Variants in HMG20A observed in about 807,000 individuals in gnomAD.
The protein encoded by HMG20A is high mobility group 20A.
Under a neutral mutation model 43.9 loss-of-function variants are expected in HMG20A, and 17 were observed. The ratio of observed to expected loss-of-function variants is 0.39; its 90% CI spans 0.27 to 0.58. The LOEUF is 0.58. HMG20A is among the 20% of genes least tolerant of loss of function. HMG20A has a pLI of 0.59. For missense variants in HMG20A, 341 were observed against 438.2 expected (o/e 0.78, Z 1.98); for synonymous variants, 132 against 147.5 (o/e 0.89, Z 0.76).
At chr15:77,441,609 C>G (rs982469148) in intron 1 of HMG20A, among the ~76,000 whole-genome samples, 3 of 152,064 alleles carry the variant, frequency 2.0e-5, no homozygotes, top group Non-Finnish European at 4.4e-5. Context: ...TTCCTGACTT[C>G]GATTCAGAGC....
rs570790885 is a variant in HMG20A, at chr15:77,443,388, T to G, written c.-4-15016T>G. On this transcript the variant is annotated intron_variant, in intron 1 of 9. Coordinates refer to ENST00000336216, the MANE Select transcript of HMG20A (RefSeq NM_001304504.2). ...TGATGATGATGATGATGATTATTAT[T>G]ATTATTATTATTATTATTATTAAGT... Among the ~76,000 whole-genome samples the G allele has an allele frequency of 7.3e-3, 1,024 of 139,598 alleles. 19 individuals carry two copies. The highest frequency in any genetic ancestry group is 0.027 in the African/African-American group (952 of 35,680). The allele number at this position is 139,598 out of a possible 152,430, so 91.6% of individuals were successfully genotyped here. A position where few individuals can be genotyped will look rare whatever the true frequency, so the allele number is the denominator to read the frequency against.
chr15:77,457,394 T>C (rs2072664936), intron 1 of HMG20A, among the ~76,000 whole-genome samples: 1 of 152,160 alleles, frequency 6.6e-6, no homozygotes, highest in Non-Finnish European at 1.5e-5. Context: ...CCCAATTGAT[T>C]GAGGCACTCT....
intron 1 of HMG20A, among the ~76,000 whole-genome samples, chr15:77,431,418 G>A (rs1007164784): frequency 3.3e-5 from 5 of 152,118 alleles, no homozygotes; most frequent in African/African-American, 1.2e-4. Context: ...CACCATGTTG[G>A]CCAGGCTGGT....
the HMG20A span, among the ~76,000 whole-genome samples, chr15:77,503,446 G>A: frequency 5.9e-5 from 9 of 152,176 alleles, no homozygotes; most frequent in African/African-American, 9.7e-5. Context: ...TAAGCCCTCA[G>A]GGTGGTGAAA....
At chr15:77,497,906 A>C in the HMG20A span, among the ~76,000 whole-genome samples, 1 of 150,910 alleles carries the variant, frequency 6.6e-6, no homozygotes, top group Non-Finnish European at 1.5e-5. Context: ...CCCGCCAAGC[A>C]ACCCCCTAAA....
At chr15:77,473,790 C>CA (rs35534006) in intron 6 of HMG20A, among the ~76,000 whole-genome samples, 16 of 151,634 alleles carry the variant, frequency 1.1e-4, no homozygotes, top group Admixed American at 9.2e-4. Flanking sequence ...TTAAACCAAA[C>CA]AAAAAAAAGG....
chr15:77,477,442 A>G, intron 6 of HMG20A, 113 bp from the exon 7 acceptor site: 1 of 759,276 alleles, frequency 1.3e-6, no homozygotes, highest in African/African-American at 1.8e-5. Flanking sequence ...ACCTGGACTG[A>G]TTCCTGCTCA....
At position 77,477,449 on chromosome 15, in the gene HMG20A, C is replaced by T. The variant is rs1322585345; in HGVS notation, c.616-106C>T. Reference sequence around the variant, plus strand: ...ACAGACTCACCTGGACTGATTCCTGCTCACCCTATTCTTTCTTTAAAGAAG... The same window carrying T: ...ACAGACTCACCTGGACTGATTCCTGTTCACCCTATTCTTTCTTTAAAGAAG... On this transcript the variant is annotated intron_variant, in intron 6 of 9. Transcript: ENST00000336216. The T allele has an allele frequency of 3.8e-6, 3 of 789,652 alleles. No individual in the cohort carries two copies. The East Asian group carries it at 8.1e-5, about 21-fold the overall frequency. The allele number at this position is 789,652 out of a possible 1,614,324, so 48.9% of individuals were successfully genotyped here.
chr15:77,455,353 C>T (rs972417367), intron 1 of HMG20A, among the ~76,000 whole-genome samples: 3 of 149,080 alleles, frequency 2.0e-5, no homozygotes, highest in African/African-American at 5.0e-5. Flanking sequence ...ATATCTAGTA[C>T]GCTTAATATA....
At chr15:77,443,091 G>A (rs2073630884) in intron 1 of HMG20A, among the ~76,000 whole-genome samples, 1 of 142,674 alleles carries the variant, frequency 7.0e-6, no homozygotes, top group Non-Finnish European at 1.5e-5. Context: ...GGAGTGCAGT[G>A]GTGTGATCCC....
At chr15:77,489,295 AC>A (rs1489760714), downstream of HMG20A, among the ~76,000 whole-genome samples, 1 of 152,228 alleles carries the variant, frequency 6.6e-6, no homozygotes, top group Admixed American at 6.5e-5. Context: ...ACTCATTTTT[AC>A]AGTAAGTAAA....
chr15:77,465,342 A>T (rs2072747126), intron 3 of HMG20A, among the ~76,000 whole-genome samples: 2 of 149,504 alleles, frequency 1.3e-5, no homozygotes, highest in Non-Finnish European at 3.0e-5. Context: ...TTTAAAGATT[A>T]TAATGAATGC....
At chr15:77,503,182 G>A in the HMG20A span, among the ~76,000 whole-genome samples, 20 of 152,148 alleles carry the variant, frequency 1.3e-4, no homozygotes, top group African/African-American at 4.8e-4. Context: ...TAGATAAGTT[G>A]CAAGAACAAC....
intron 1 of HMG20A, among the ~76,000 whole-genome samples, chr15:77,449,800 A>G (rs1335787021): frequency 6.6e-6 from 1 of 152,120 alleles, no homozygotes; most frequent in Non-Finnish European, 1.5e-5. Flanking sequence ...CAATGAACCT[A>G]TATTGACACA....
Position 77,467,183 on chromosome 15 carries a change from G to A in HMG20A, c.326G>A (p.Gly109Glu). 1 of 1,614,086 alleles carries A rather than the reference G, an allele frequency of 6.2e-7. No homozygotes were observed. Among genetic ancestry groups the A allele is most frequent in the Non-Finnish European group, 8.5e-7 (1 of 1,179,994 alleles). ...AATGCACCCAAATCCCCCCTTACAG[G>A]ATATGTTCGGTTCATGAATGAGCGT... ...DSNAPKSPLT[G>E]YVRFMNERRE... is the part of the protein sequence containing the mutation. The change falls in exon 4 of 10, where the codon GGA (glycine) becomes GAA (glutamate). Residue 109 changes from glycine to glutamate, a missense_variant. Physicochemically the swap from Gly to Glu is moderately conservative, Grantham distance 98 (BLOSUM62 -2). Coordinates refer to ENST00000336216, the MANE Select transcript of HMG20A (RefSeq NM_001304504.2).
intron 1 of HMG20A, among the ~76,000 whole-genome samples, chr15:77,447,538 T>C (rs932042584): frequency 6.6e-6 from 1 of 152,174 alleles, no homozygotes; most frequent in African/African-American, 2.4e-5. Flanking sequence ...CCAGTCTCTT[T>C]TGATGATCTA....
At chr15:77,495,146 G>C in the HMG20A span, among the ~76,000 whole-genome samples, 1 of 152,172 alleles carries the variant, frequency 6.6e-6, no homozygotes, top group African/African-American at 2.4e-5. Context: ...TAAATCTTCT[G>C]GGAAAGGGGG....
intron 2 of HMG20A, among the ~76,000 whole-genome samples, chr15:77,463,089 T>TGGTAAGGCATAAGCCATATGC (rs796836930): frequency 2.5e-4 from 38 of 152,174 alleles, no homozygotes; most frequent in African/African-American, 8.7e-4. Context: ...CTCTTAAGTA[T>TGGTAAGGCATAAGCCATATGC]CTCTTAACTG....
At chr15:77,449,366 C>T (rs2073710439) in intron 1 of HMG20A, among the ~76,000 whole-genome samples, 1 of 152,128 alleles carries the variant, frequency 6.6e-6, no homozygotes, top group African/African-American at 2.4e-5. Flanking sequence ...TTTCACTTAA[C>T]TGAACCCCAG....
Sources: gnomAD v4.1 joint callset for allele counts (sites outside exome capture counted in the v4.1 genomes callset) on GRCh38, gnomAD v4.1.1 for gene constraint, MANE v1.5 for transcripts, NCBI Gene and HGNC (gene_info 2026-07-23, HGNC 2026-07-21) for gene names.